The following PDE10A variants were observed in gnomAD, a reference collection of about 807,000 sequenced individuals.
PDE10A encodes the protein cAMP and cAMP-inhibited cGMP 3',5'-cyclic phosphodiesterase 10A.
Under a neutral mutation model 97.7 loss-of-function variants are expected in PDE10A, and 39 were observed. That is an observed-to-expected ratio of 0.40 (90% CI 0.31 to 0.52). The LOEUF is 0.52. Ranked by LOEUF, PDE10A falls within the 20% of genes least tolerant of loss-of-function variation. The pLI is 0.56. For missense variants in PDE10A, 731 were observed against 1,047.8 expected, an observed-to-expected ratio of 0.70 and a Z score of 4.17; for synonymous variants, 371 against 376.8, an observed-to-expected ratio of 0.98 and a Z score of 0.18.
chr6:165,559,775 T>G (rs1210377740), intron 1 of PDE10A, among the ~76,000 whole-genome samples: 7 of 152,194 alleles, frequency 4.6e-5, no homozygotes, highest in African/African-American at 1.7e-4. Context: ...GGGGCCAGTT[T>G]CCCTAGTACT....
intron 13 of PDE10A, among the ~76,000 whole-genome samples, chr6:165,408,578 C>T (rs1213962443): frequency 6.6e-6 from 1 of 152,070 alleles, no homozygotes; most frequent in Non-Finnish European, 1.5e-5. Context: ...CTTATTGAAA[C>T]CAGCATACAT....
At chr6:165,440,184 C>T (rs1790334201) in intron 5 of PDE10A, among the ~76,000 whole-genome samples, 2 of 152,286 alleles carry the variant, frequency 1.3e-5, no homozygotes, top group South Asian at 2.1e-4. Context: ...TTACCTGGAA[C>T]TTGATATATG....
chr6:165,544,042 C>A (rs1281782497), intron 1 of PDE10A, among the ~76,000 whole-genome samples: 1 of 152,126 alleles, frequency 6.6e-6, no homozygotes, highest in African/African-American at 2.4e-5. Context: ...TTACAGAGTA[C>A]TTATTTTTTC....
rs550522339 is a variant in PDE10A, at chr6:165,500,908, G to A, written c.995-18565C>T. On this transcript the variant is annotated intron_variant, in intron 2 of 21. Coordinates refer to ENST00000539869, the MANE Select transcript of PDE10A (RefSeq NM_001385079.1). ...TGCTCTTTACGGCACCCAGATGTTT[G>A]GATGTTTGTGTACGTGCACATCAAG... 3.3e-5 allele frequency among the ~76,000 whole-genome samples: 5 copies of A among 152,190 alleles called. No individual in the cohort carries two copies. The South Asian group carries it at 1.0e-3, about 32-fold the overall frequency.
chr6:165,546,276 T>A (rs1783734127), intron 1 of PDE10A, among the ~76,000 whole-genome samples: 1 of 152,084 alleles, frequency 6.6e-6, no homozygotes, highest in Admixed American at 6.5e-5. Context: ...GGGCAAATTA[T>A]GAATAGGTAA....
chr6:165,394,715 C>G (rs1194290041), intron 15 of PDE10A, among the ~76,000 whole-genome samples: 3 of 152,226 alleles, frequency 2.0e-5, no homozygotes, highest in Non-Finnish European at 2.9e-5. Context: ...TTCTCCACAT[C>G]CTCTCCAGCA....
At chr6:165,816,955 T>C (rs577438356) in intron 1 of PDE10A, among the ~76,000 whole-genome samples, 2 of 152,138 alleles carry the variant, frequency 1.3e-5, no homozygotes, top group Admixed American at 6.5e-5. Flanking sequence ...GGAGAAGCAA[T>C]GGGGCCATAG....
At chr6:165,731,722 A>T (rs938228827) in intron 1 of PDE10A, among the ~76,000 whole-genome samples, 1 of 152,204 alleles carries the variant, frequency 6.6e-6, no homozygotes, top group Non-Finnish European at 1.5e-5. Context: ...GTATTAAAAC[A>T]CTTGGACTGA....
intron 1 of PDE10A, among the ~76,000 whole-genome samples, chr6:165,895,832 T>C (rs1007725712): frequency 6.6e-6 from 1 of 152,128 alleles, no homozygotes; most frequent in Non-Finnish European, 1.5e-5. Flanking sequence ...GTCCTGTCAA[T>C]GGTGGAGATG....
chr6:165,690,166 C>T (rs756642558), intron 1 of PDE10A, among the ~76,000 whole-genome samples: 7 of 152,090 alleles, frequency 4.6e-5, no homozygotes, highest in Non-Finnish European at 1.0e-4. Context: ...ATTCTTCTTC[C>T]GTGTGCCACC....
At chr6:165,975,210 G>A (rs748417468) in intron 1 of PDE10A, among the ~76,000 whole-genome samples, 14 of 152,182 alleles carry the variant, frequency 9.2e-5, no homozygotes, top group East Asian at 1.9e-4. Flanking sequence ...ACTGAGAGCC[G>A]GGAGGTATTC....
intron 16 of PDE10A, among the ~76,000 whole-genome samples, chr6:165,391,856 C>A (rs912975442): frequency 4.1e-4 from 63 of 152,114 alleles, no homozygotes; most frequent in African/African-American, 1.5e-3. Context: ...GAGAAAAGCA[C>A]AATTTATTTA....
At chr6:165,571,670 T>G (rs1269496525) in intron 1 of PDE10A, among the ~76,000 whole-genome samples, 1 of 152,222 alleles carries the variant, frequency 6.6e-6, no homozygotes, top group East Asian at 1.9e-4. Flanking sequence ...GAGTTTGCTT[T>G]TAAAAAGAAA....
intron 4 of PDE10A, 53 bp downstream of exon 4, chr6:165,450,189 T>C: frequency 7.7e-7 from 1 of 1,295,080 alleles, no homozygotes; most frequent in Middle Eastern, 1.9e-4. Flanking sequence ...TGCTGCTTTT[T>C]GTAAAAGAAT....
chr6:165,432,953 T>G, intron 7 of PDE10A, 21 bp downstream of exon 7: 2 of 1,603,842 alleles, frequency 1.2e-6, no homozygotes, highest in Non-Finnish European at 1.7e-6. Flanking sequence ...AATTCTAACA[T>G]GCAGCATTTA....
At chr6:165,886,198 G>A (rs993159838) in intron 1 of PDE10A, among the ~76,000 whole-genome samples, 8 of 152,126 alleles carry the variant, frequency 5.3e-5, no homozygotes, top group Non-Finnish European at 8.8e-5. Context: ...GATTCCAGCA[G>A]GCCCTGGAGC....
At position 165,661,672 on chromosome 6, in the gene PDE10A, G is replaced by A; in HGVS notation, c.865+275C>T. ...GAGAAGGAGGCGGCAGGTCCCGCTC[G>A]CAACGTCCAAGCTCCCGCCGCCCTC... On this transcript the variant is annotated intron_variant, in intron 1 of 21. Transcript: ENST00000539869. The surrounding 1 kb of genome is among the most constrained non-coding windows in gnomAD (Gnocchi z 4.8). 2.4e-6 allele frequency: 1 copy of A among 414,806 alleles called. No homozygotes were observed. The highest frequency in any genetic ancestry group is 4.2e-6 in the Non-Finnish European group (1 of 236,166). 25.7% of individuals were successfully genotyped at this position (414,806 alleles called of 1,614,324 possible).
intron 1 of PDE10A, among the ~76,000 whole-genome samples, chr6:165,691,075 T>TTCTCTCTCTCTCTCTC (rs376093908): frequency 1.4e-4 from 7 of 50,420 alleles, no homozygotes; most frequent in African/African-American, 6.9e-4. Context: ...CTCTCTCTCT[T>TTCTCTCTCTCTCTCTC]TCTCTCTCTC....
chr6:165,439,318 T>C (rs531561519), intron 5 of PDE10A, among the ~76,000 whole-genome samples: 7 of 152,302 alleles, frequency 4.6e-5, no homozygotes, highest in African/African-American at 1.7e-4. Context: ...TGTATAAATA[T>C]ATAAAAACTT....
Sources: gnomAD v4.1 joint callset for allele counts (sites outside exome capture counted in the v4.1 genomes callset) on GRCh38, gnomAD v4.1.1 for gene constraint, Gnocchi (gnomAD v3.1) non-coding constraint, MANE v1.5 for transcripts, NCBI Gene and HGNC (gene_info 2026-07-23, HGNC 2026-07-21) for gene names.